Variants in SRGAP1 observed in about 807,000 individuals in gnomAD.
The protein encoded by SRGAP1 is SLIT-ROBO Rho GTPase-activating protein 1.
A neutral mutation model predicts 121.9 loss-of-function variants in SRGAP1; 43 were observed. The observed-to-expected ratio is 0.35, with a 90% CI of 0.28 to 0.46. The LOEUF (loss-of-function observed/expected upper bound fraction) is 0.46, where lower values mean the gene tolerates loss of function less well. SRGAP1 is among the 20% of genes least tolerant of loss of function. SRGAP1 has a pLI of 1.00. For missense variants in SRGAP1, 1,102 were observed against 1,350.9 expected, an observed-to-expected ratio of 0.82 and a Z score of 2.89; for synonymous variants, 447 against 485.4, an observed-to-expected ratio of 0.92 and a Z score of 1.04.
At chr12:63,961,687 C>T (rs1357821052) in intron 1 of SRGAP1, among the ~76,000 whole-genome samples, 1 of 152,204 alleles carries the variant, frequency 6.6e-6, no homozygotes, top group Admixed American at 6.5e-5. Context: ...AAAACCCACT[C>T]ATGCCCTGAT....
intron 6 of SRGAP1, among the ~76,000 whole-genome samples, chr12:64,057,494 A>T (rs1017496037): frequency 1.1e-4 from 17 of 152,316 alleles, no homozygotes; most frequent in African/African-American, 3.8e-4. Flanking sequence ...AGTTATGCAG[A>T]AGAAATCCAC....
chr12:63,861,235 A>T, intron 1 of SRGAP1, among the ~76,000 whole-genome samples: 1 of 147,158 alleles, frequency 6.8e-6, no homozygotes, highest in Admixed American at 6.8e-5. Context: ...CTGGTCTTGA[A>T]CTCCTGAGCT....
At position 64,161,721 on chromosome 12, in the gene SRGAP1, G is replaced by A. The variant is rs944543993; in HGVS notation, c.*19049G>A. 1.3e-5 allele frequency: 2 copies of A among 152,002 alleles called. No individual in the cohort carries two copies. The highest frequency in any genetic ancestry group is 4.8e-5 in the African/African-American group (2 of 41,380). The allele number at this position is 152,002 out of a possible 1,614,324, so 9.4% of individuals were successfully genotyped here. ...CCTGGTGATCCTTGGCTATCTGCTC[G>A]AATTTAAAAACAAGCACTAAAGAAG... is the stretch of plus-strand genomic sequence containing the variant. On this transcript the variant is annotated 3_prime_UTR_variant, in exon 22 of 22. Coordinates refer to ENST00000355086, the MANE Select transcript of SRGAP1 (RefSeq NM_020762.4).
intron 1 of SRGAP1, among the ~76,000 whole-genome samples, chr12:63,873,917 A>AG (rs1161958123): frequency 6.6e-6 from 1 of 151,884 alleles, no homozygotes; most frequent in African/African-American, 2.4e-5. Flanking sequence ...GGTCGCATGC[A>AG]GCTACTCAGG....
chr12:63,899,096 G>A (rs928419659), intron 1 of SRGAP1, among the ~76,000 whole-genome samples: 1 of 152,082 alleles, frequency 6.6e-6, no homozygotes, highest in African/African-American at 2.4e-5. Context: ...AACCAGGCTG[G>A]GCACGATGGC....
Position 64,060,460 on chromosome 12 carries a change from G to C in SRGAP1, c.802-2457G>C, listed in dbSNP as rs148530647. ...TGGGCTCAAGCAGTCCTCCCACCTT[G>C]GCCCCTTGAAGTGCTGGGATTACAG... On this transcript the variant is annotated intron_variant, in intron 6 of 21. Coordinates refer to ENST00000355086, the MANE Select transcript of SRGAP1 (RefSeq NM_020762.4). Among the ~76,000 whole-genome samples the C allele has an allele frequency of 9.6e-3, 1,463 of 152,032 alleles. 13 individuals carry two copies. The highest frequency in any genetic ancestry group is 0.019 in the Admixed American group (294 of 15,272).
intron 3 of SRGAP1, among the ~76,000 whole-genome samples, chr12:64,004,967 A>G (rs537350559): frequency 6.6e-6 from 1 of 152,324 alleles, no homozygotes; most frequent in Admixed American, 6.5e-5. Flanking sequence ...ACATATAGCA[A>G]ATATTTGAAT....
intron 11 of SRGAP1, among the ~76,000 whole-genome samples, chr12:64,088,710 A>G (rs990970236): frequency 6.6e-6 from 1 of 152,150 alleles, no homozygotes; most frequent in Admixed American, 6.5e-5. Flanking sequence ...TCCTCTCACA[A>G]CTTGCATGCG....
At chr12:63,918,413 T>C (rs1436898897) in intron 1 of SRGAP1, among the ~76,000 whole-genome samples, 2 of 152,094 alleles carry the variant, frequency 1.3e-5, no homozygotes, top group Non-Finnish European at 2.9e-5. Context: ...CCTTTTATGC[T>C]CTATTGCTTT....
chr12:63,897,520 GT>G (rs1285060088), intron 1 of SRGAP1, among the ~76,000 whole-genome samples: 2 of 152,076 alleles, frequency 1.3e-5, no homozygotes, highest in Non-Finnish European at 2.9e-5. Flanking sequence ...ATGGAAAGAG[GT>G]GAAAAAAATT....
At chr12:64,050,857 G>T (rs1297276809) in intron 6 of SRGAP1, among the ~76,000 whole-genome samples, 3 of 152,154 alleles carry the variant, frequency 2.0e-5, no homozygotes, top group Non-Finnish European at 2.9e-5. Context: ...AAGTAGCTGG[G>T]ATTACAGGTA....
chr12:64,065,352 C>T (rs898683889), intron 8 of SRGAP1, 133 bp downstream of exon 8: 2 of 764,908 alleles, frequency 2.6e-6, no homozygotes, highest in Non-Finnish European at 4.3e-6. Context: ...TCTCAGGGTT[C>T]CTGTAGTACT....
At chr12:63,947,618 C>A (rs2032092366) in intron 1 of SRGAP1, among the ~76,000 whole-genome samples, 1 of 148,220 alleles carries the variant, frequency 6.7e-6, no homozygotes, top group East Asian at 2.0e-4. Flanking sequence ...TTTCTAGATT[C>A]TTTTCTGCTG....
intron 10 of SRGAP1, chr12:64,082,001 C>CTTTTTTTTTTTTTTTTTTTTTTT: frequency 3.9e-4 from 26 of 66,138 alleles, no homozygotes; most frequent in East Asian, 1.1e-3. Context: ...CATGTAAGGT[C>CTTTTTTTTTTTTTTTTTTTTTTT]TTTTTTTTTT....
chr12:63,875,406 C>A (rs1899997939), intron 1 of SRGAP1, among the ~76,000 whole-genome samples: 1 of 152,116 alleles, frequency 6.6e-6, no homozygotes, highest in African/African-American at 2.4e-5. Context: ...ATTAGCTGCT[C>A]CCAATTTAGA....
intron 1 of SRGAP1, among the ~76,000 whole-genome samples, chr12:63,875,276 T>C (rs1248752708): frequency 3.3e-5 from 5 of 151,924 alleles, no homozygotes; most frequent in Non-Finnish European, 5.9e-5. Context: ...AGTTATTGTT[T>C]GGTGTGTGTG....
intron 14 of SRGAP1, among the ~76,000 whole-genome samples, chr12:64,095,425 G>T (rs539184357): frequency 6.6e-6 from 1 of 152,160 alleles, no homozygotes. Flanking sequence ...CTGCATCCTG[G>T]TTGAGGACTG....
intron 12 of SRGAP1, chr12:64,091,948 AG>A (rs2136584902): frequency 6.5e-7 from 1 of 1,533,270 alleles, no homozygotes; most frequent in East Asian, 2.4e-5. Flanking sequence ...GAGGGACGTG[AG>A]GGTGCTCTTT....
In SRGAP1 at chr12:64,065,203, A is replaced by G; in HGVS notation, c.1109A>G (p.Lys370Arg). The G allele has an allele frequency of 6.2e-7, 1 of 1,613,228 alleles. No homozygotes were observed. Among genetic ancestry groups the G allele is most frequent in the South Asian group, 1.1e-5 (1 of 90,894 alleles). The change falls in exon 8 of 22, where the codon AAA becomes AGA. Residue 370 changes from lysine to arginine, a missense_variant. Around this residue, in one of 3 missense-constraint regions of SRGAP1, gnomAD observed 747 missense variants for 929.4 expected, o/e 0.80. Coordinates refer to ENST00000355086, the MANE Select transcript of SRGAP1 (RefSeq NM_020762.4). ...TTGCAGTCCCGCCTTGCCACGCTCA[A>G]AATCGAGAATGAAGAGGTGAGCATG... ...QQLQSRLATL[K>R]IENEEVKKTT...
Sources: gnomAD v4.1 joint callset for allele counts (sites outside exome capture counted in the v4.1 genomes callset) on GRCh38, gnomAD v4.1.1 for gene constraint, gnomAD v4.1.1 regional missense constraint, MANE v1.5 for transcripts, NCBI Gene and HGNC (gene_info 2026-07-23, HGNC 2026-07-21) for gene names.